Variants in PAX2 observed in about 807,000 individuals in gnomAD.
PAX2 encodes the protein paired box protein Pax-2.
In PAX2, 9 loss-of-function variants were observed where a neutral mutation model predicts 41.7. The ratio of observed to expected loss-of-function variants is 0.22; its 90% CI spans 0.13 to 0.38. PAX2 has a LOEUF of 0.38. PAX2 is among the 10% of genes least tolerant of loss of function. The probability of loss-of-function intolerance (pLI) is 1.00; values close to 1 mark genes in which losing one functional copy is unlikely to be tolerated. For synonymous variants in PAX2, 221 were observed against 212.7 expected (o/e 1.04, Z -0.34); for missense variants, 418 against 531.6 (o/e 0.79, Z 2.10).
At chr10:100,761,057 G>A (rs1012591131) in intron 3 of PAX2, among the ~76,000 whole-genome samples, 6 of 152,222 alleles carry the variant, frequency 3.9e-5, no homozygotes, top group African/African-American at 1.4e-4. Context: ...AGATGAGAGC[G>A]AGGGGAGGGT....
At chr10:100,743,639 G>A (rs1845042626), upstream of PAX2, among the ~76,000 whole-genome samples, 1 of 152,232 alleles carries the variant, frequency 6.6e-6, no homozygotes, top group South Asian at 2.1e-4. Flanking sequence ...AATACCACCT[G>A]AGATCCCTTG....
chr10:100,824,904 G>T lies in PAX2; in HGVS notation c.1021+155G>T. The T allele has an allele frequency of 6.2e-7, 1 of 1,613,782 alleles. No individual in the cohort carries two copies. The highest frequency in any genetic ancestry group is 8.5e-7 in the Non-Finnish European group (1 of 1,179,698). ...ATTCTGTCCCTCTCTCTCCTTAGAG[G>T]CTGCAGTTGGTCCCTCATCCTCCCT... On this transcript the variant is annotated intron_variant, in intron 8 of 9. Coordinates refer to ENST00000355243, the MANE Select transcript of PAX2 (RefSeq NM_000278.5). This position sits in a 1 kb window ranked among gnomAD's most constrained non-coding sequence, Gnocchi z 6.6.
At chr10:100,801,312 A>G (rs898497416) in intron 5 of PAX2, among the ~76,000 whole-genome samples, 1 of 152,258 alleles carries the variant, frequency 6.6e-6, no homozygotes, top group Non-Finnish European at 1.5e-5. Flanking sequence ...CCTAAGATCT[A>G]TGAAGACCTT....
upstream of PAX2, among the ~76,000 whole-genome samples, chr10:100,744,561 C>G (rs895142308): frequency 6.6e-6 from 1 of 152,226 alleles, no homozygotes; most frequent in Admixed American, 6.5e-5. Context: ...CTCCTGCGCT[C>G]GCCCCGGATC....
chr10:100,811,822 C>T (rs1848000156), intron 7 of PAX2, among the ~76,000 whole-genome samples: 1 of 152,192 alleles, frequency 6.6e-6, no homozygotes, highest in African/African-American at 2.4e-5. Context: ...AAGGAGCCCT[C>T]TTTATCCTCC....
At chr10:100,808,507 G>T (rs934192071) in intron 6 of PAX2, among the ~76,000 whole-genome samples, 1 of 152,160 alleles carries the variant, frequency 6.6e-6, no homozygotes, top group South Asian at 2.1e-4. Flanking sequence ...GCAATTACCC[G>T]AGTGTTTCAG....
chr10:100,821,422 G>A (rs543821908), intron 7 of PAX2, among the ~76,000 whole-genome samples: 13 of 152,322 alleles, frequency 8.5e-5, no homozygotes, highest in South Asian at 4.1e-4. Context: ...GGAAGCTTGC[G>A]TGCTTTTTCC....
chr10:100,811,642 A>G (rs1193245423), intron 7 of PAX2, among the ~76,000 whole-genome samples: 1 of 152,264 alleles, frequency 6.6e-6, no homozygotes, highest in Non-Finnish European at 1.5e-5. Context: ...CTGACCTCAA[A>G]GAGTCTTTAA....
chr10:100,799,556 C>A (rs1029225251), intron 5 of PAX2, among the ~76,000 whole-genome samples: 1 of 152,150 alleles, frequency 6.6e-6, no homozygotes, highest in Admixed American at 6.5e-5. Context: ...GCTTCAGAGT[C>A]CGACATCCCT....
intron 8 of PAX2, among the ~76,000 whole-genome samples, chr10:100,825,684 G>A (rs1848527515): frequency 6.6e-6 from 1 of 152,226 alleles, no homozygotes; most frequent in Non-Finnish European, 1.5e-5. Flanking sequence ...GGATAGAAGA[G>A]AGTGGTTGGC....
At position 100,805,146 on chromosome 10, in the gene PAX2, C is replaced by A. The variant is rs899308224; in HGVS notation, c.617-1284C>A. ...TGGGAGGTCACATTAGGAAAGCAAACCCCATGCTCGGTCTGGGAGGCCAGC... is the reference window on the plus strand; with the variant it reads ...TGGGAGGTCACATTAGGAAAGCAAAACCCATGCTCGGTCTGGGAGGCCAGC... On this transcript the variant is annotated intron_variant, in intron 5 of 9. Coordinates refer to ENST00000355243, the MANE Select transcript of PAX2 (RefSeq NM_000278.5). 2.6e-5 allele frequency among the ~76,000 whole-genome samples: 4 copies of A among 152,048 alleles called. No homozygotes were observed. In the East Asian group the frequency reaches 5.8e-4, roughly 22 times the overall value.
At chr10:100,758,723 C>T (rs973192242) in intron 3 of PAX2, among the ~76,000 whole-genome samples, 4 of 152,182 alleles carry the variant, frequency 2.6e-5, no homozygotes, top group South Asian at 2.1e-4. Context: ...CTCTGCTGAC[C>T]GAATAAAACT....
At chr10:100,743,094 G>A (rs1204812853), upstream of PAX2, among the ~76,000 whole-genome samples, 1 of 151,828 alleles carries the variant, frequency 6.6e-6, no homozygotes, top group Non-Finnish European at 1.5e-5. Flanking sequence ...TGGAGCTAAT[G>A]GGGAAGCGGC....
At chr10:100,825,108 C>T in intron 8 of PAX2, 1 of 820,226 alleles carries the variant, frequency 1.2e-6, no homozygotes, top group Non-Finnish European at 2.1e-6. Context: ...AAGAGCCTGC[C>T]CTGGTTTCCA....
chr10:100,744,253 G>C (rs1019793069), upstream of PAX2, among the ~76,000 whole-genome samples: 2 of 152,230 alleles, frequency 1.3e-5, no homozygotes, highest in Admixed American at 1.3e-4. Context: ...TCTCGGATTC[G>C]GGCTGCAAGA....
At chr10:100,764,334 A>G (rs890604824) in intron 3 of PAX2, among the ~76,000 whole-genome samples, 6 of 151,866 alleles carry the variant, frequency 4.0e-5, no homozygotes, top group African/African-American at 7.3e-5. Flanking sequence ...TAGTAGAGAC[A>G]GGGTTTCACC....
chr10:100,825,718 G>T (rs1848528595), intron 8 of PAX2, among the ~76,000 whole-genome samples: 1 of 152,158 alleles, frequency 6.6e-6, no homozygotes, highest in South Asian at 2.1e-4. Flanking sequence ...GGACATTTAG[G>T]TATAACCCTG....
In PAX2 at chr10:100,824,353, T is replaced by TACAC. The variant is rs61572589; in HGVS notation, c.920-255_920-252dup. 0.12 allele frequency among the ~76,000 whole-genome samples: 16,544 copies of TACAC among 135,324 alleles called. 1,059 individuals are homozygous for TACAC. Among genetic ancestry groups the TACAC allele is most frequent in the East Asian group, 0.22 (965 of 4,436 alleles). The allele number at this position is 135,324 out of a possible 152,430, so 88.8% of individuals were successfully genotyped here. A position where few individuals can be genotyped will look rare whatever the true frequency, so the allele number is the denominator to read the frequency against. On this transcript the variant is annotated intron_variant, in intron 7 of 9. Transcript: ENST00000355243. The surrounding 1 kb of genome is among the most constrained non-coding windows in gnomAD (Gnocchi z 6.6). ...GCACAGAGACACAGGCAAAGGCAGA[T>TACAC]ACACACACACACACACACACACACA...
chr10:100,741,290 G>A (rs1844941799), upstream of PAX2, among the ~76,000 whole-genome samples: 1 of 151,404 alleles, frequency 6.6e-6, no homozygotes, highest in Non-Finnish European at 1.5e-5. Flanking sequence ...GGGAGGGAGC[G>A]AGGAAGCAGA....
Sources: allele counts gnomAD v4.1 joint callset (sites outside exome capture counted in the v4.1 genomes callset), GRCh38; gene constraint gnomAD v4.1.1; non-coding constraint Gnocchi (gnomAD v3.1); transcripts MANE v1.5; gene names NCBI Gene and HGNC (gene_info 2026-07-23, HGNC 2026-07-21).